Variants in AKT2 observed in about 807,000 individuals in gnomAD.
AKT2 encodes RAC-beta serine/threonine-protein kinase.
In AKT2, 16 loss-of-function variants were observed where a neutral mutation model predicts 58.6. That is an observed-to-expected ratio of 0.27 (90% CI 0.18 to 0.41). AKT2 has a LOEUF of 0.41. AKT2 is among the 10% of genes least tolerant of loss of function. The pLI is 1.00. For missense variants in AKT2, 438 were observed against 661.0 expected, an observed-to-expected ratio of 0.66 and a Z score of 3.70; for synonymous variants, 253 against 254.0, an observed-to-expected ratio of 1.00 and a Z score of 0.04.
chr19:40,242,885 A>G lies in AKT2; in HGVS notation c.288-198T>C. On this transcript the variant is annotated intron_variant, in intron 4 of 13. Transcript: ENST00000392038. This position sits in a 1 kb window ranked among gnomAD's most constrained non-coding sequence, Gnocchi z 4.3. ...AATTCCACGCCAGGCGCAGTGGCTC[A>G]TGCCTATAATCCCAGCACTTTGGGA... 1.6e-6 allele frequency: 1 copy of G among 620,406 alleles called. No individual in the cohort carries two copies. The highest frequency in any genetic ancestry group is 2.4e-5 in the Admixed American group (1 of 41,078). The allele number at this position is 620,406 out of a possible 1,614,324, so 38.4% of individuals were successfully genotyped here. A position where few individuals can be genotyped will look rare whatever the true frequency, so the allele number is the denominator to read the frequency against.
Position 40,241,968 on chromosome 19 carries a change from C to T in AKT2, c.543G>A (p.Lys181=), listed in dbSNP as rs2145202657. The T allele has an allele frequency of 6.2e-6, 10 of 1,614,222 alleles. No homozygotes were observed. Among genetic ancestry groups the T allele is most frequent in the Non-Finnish European group, 8.5e-6 (10 of 1,180,054 alleles). ...EKATGRYYAM[K]ILRKEVIIAK... ...CAATGATGACTTCCTTCCGCAGGAT[C>T]TTCATGGCGTAGTAGCGGCCAGTGG... The change falls in exon 6 of 14, where the codon AAG becomes AAA. Residue 181 remains lysine, a synonymous_variant. Transcript: ENST00000392038.
Position 40,234,030 on chromosome 19 carries a change from GC to G in AKT2, c.1367-80del, listed in dbSNP as rs919077964. 3 of 1,452,134 alleles carry G rather than the reference GC, an allele frequency of 2.1e-6. No individual in the cohort carries two copies. In the African/African-American group the frequency reaches 4.2e-5, roughly 20 times the overall value. The allele number at this position is 1,452,134 out of a possible 1,614,324, so 90.0% of individuals were successfully genotyped here. On this transcript the variant is annotated intron_variant, in intron 13 of 13. Coordinates refer to ENST00000392038, the MANE Select transcript of AKT2 (RefSeq NM_001626.6). The surrounding 1 kb of genome is among the most constrained non-coding windows in gnomAD (Gnocchi z 4.7). ...CCTGCCCAGACTCCCTGGGGAAACG[GC>G]CCCAGCTGGCGGGGGCTGCCCACAG...
rs145977456 is a variant in AKT2, at chr19:40,235,940, G to A, written c.1125C>T (p.Pro375=). The A allele has an allele frequency of 1.1e-4, 174 of 1,613,634 alleles. 1 individual carries two copies. Among genetic ancestry groups the A allele is most frequent in the East Asian group, 1.1e-3 (48 of 44,874 alleles). Residue 375 remains proline, a synonymous_variant, in exon 11 of 14, where the codon CCC becomes CCT. Coordinates refer to ENST00000392038, the MANE Select transcript of AKT2 (RefSeq NM_001626.6). The surrounding 1 kb of genome is among the most constrained non-coding windows in gnomAD (Gnocchi z 6.3). The part of the protein sequence containing the change: ...EEIRFPRTLS[P]EAKSLLAGLL... ...GCCCAGCAAGCAGGGACTTGGCCTC[G>A]GGGCTGAGCGTGCGCGGGAAGCGGA... is the stretch of plus-strand genomic sequence containing the variant.
chr19:40,262,668 T>C (rs553616843), intron 2 of AKT2, among the ~76,000 whole-genome samples: 1 of 152,358 alleles, frequency 6.6e-6, no homozygotes, highest in East Asian at 1.9e-4. Flanking sequence ...ACCTCAGCTC[T>C]ACCCACTCCT....
At chr19:40,245,166 A>C (rs1974668198) in intron 4 of AKT2, among the ~76,000 whole-genome samples, 1 of 152,174 alleles carries the variant, frequency 6.6e-6, no homozygotes, top group Non-Finnish European at 1.5e-5. Context: ...CTGTGCAATG[A>C]GACATTCTGC....
intron 2 of AKT2, among the ~76,000 whole-genome samples, chr19:40,264,240 C>T (rs1976178523): frequency 6.6e-6 from 1 of 152,124 alleles, no homozygotes. Flanking sequence ...AGAAGCTGGC[C>T]TGGGACAAAG....
intron 1 of AKT2, chr19:40,283,156 T>G (rs1277091850): frequency 6.6e-6 from 1 of 152,568 alleles, no homozygotes; most frequent in Non-Finnish European, 1.5e-5. Flanking sequence ...CTGGAAATGA[T>G]CTGCCTCTCT....
At position 40,231,839 on chromosome 19, in the gene AKT2, C is replaced by A; in HGVS notation, c.*2033G>T. ...TCCCAGGTGACAGCAACCACGCCAC[C>A]ATGAACACACCACTGGGTCTGTACT... On this transcript the variant is annotated 3_prime_UTR_variant, in exon 14 of 14. Coordinates refer to ENST00000392038, the MANE Select transcript of AKT2 (RefSeq NM_001626.6). 1 of 233,724 alleles carries A rather than the reference C, an allele frequency of 4.3e-6. No individual in the cohort carries two copies. 14.5% of individuals were successfully genotyped at this position (233,724 alleles called of 1,614,324 possible). A position where few individuals can be genotyped will look rare whatever the true frequency, so the allele number is the denominator to read the frequency against.
At position 40,242,253 on chromosome 19, in the gene AKT2, G is replaced by T; in HGVS notation, c.442-184C>A. ...GCGGCCTTCAGACCAGGCTCTGCAG[G>T]CACAGGGCCTTGGGAGGGCTGGGCT... On this transcript the variant is annotated intron_variant, in intron 5 of 13. Transcript: ENST00000392038. This position sits in a 1 kb window ranked among gnomAD's most constrained non-coding sequence, Gnocchi z 4.3. 1.1e-6 allele frequency: 1 copy of T among 948,826 alleles called. No individual in the cohort carries two copies. Among genetic ancestry groups the T allele is most frequent in the Non-Finnish European group, 1.6e-6 (1 of 622,552 alleles). The allele number at this position is 948,826 out of a possible 1,614,324, so 58.8% of individuals were successfully genotyped here. A position where few individuals can be genotyped will look rare whatever the true frequency, so the allele number is the denominator to read the frequency against.
At chr19:40,271,232 CAT>C (rs1011534896) in intron 1 of AKT2, among the ~76,000 whole-genome samples, 11 of 144,746 alleles carry the variant, frequency 7.6e-5, no homozygotes, top group African/African-American at 2.6e-4. Flanking sequence ...TATATACACA[CAT>C]ATATATGTAT....
intron 1 of AKT2, among the ~76,000 whole-genome samples, chr19:40,271,587 G>A (rs187007097): frequency 3.3e-5 from 5 of 152,226 alleles, no homozygotes; most frequent in Admixed American, 2.6e-4. Flanking sequence ...TCTATAAACT[G>A]GTCCCAGCGT....
intron 1 of AKT2, chr19:40,282,788 G>A: frequency 3.2e-6 from 1 of 316,930 alleles, no homozygotes; most frequent in Admixed American, 4.5e-5. Context: ...TGCAAAAAAG[G>A]ACACAAATAC....
chr19:40,279,424 AC>A (rs1568576171), intron 1 of AKT2: 1 of 152,004 alleles, frequency 6.6e-6, no homozygotes, highest in Non-Finnish European at 1.5e-5. Flanking sequence ...CCATGGAACC[AC>A]CCCACCGTGC....
chr19:40,248,795 G>C (rs1012139075), intron 4 of AKT2, among the ~76,000 whole-genome samples: 22 of 143,956 alleles, frequency 1.5e-4, no homozygotes, highest in Non-Finnish European at 9.1e-5. Context: ...GGGAGGAGTG[G>C]AGGAGATGAG....
intron 3 of AKT2, among the ~76,000 whole-genome samples, chr19:40,256,266 G>A (rs1397090979): frequency 1.3e-5 from 2 of 152,184 alleles, no homozygotes; most frequent in Non-Finnish European, 2.9e-5. Flanking sequence ...TCCACAGCAT[G>A]GCAGGAGAGG....
At chr19:40,270,391 T>C (rs753907240) in intron 1 of AKT2, 6 of 148,778 alleles carry the variant, frequency 4.0e-5, no homozygotes, top group African/African-American at 1.0e-4. Flanking sequence ...ATCTGTGGAA[T>C]GAACATGTAC....
intron 6 of AKT2, chr19:40,241,154 G>T (rs1274345072): frequency 6.6e-6 from 1 of 152,558 alleles, no homozygotes; most frequent in African/African-American, 2.4e-5. Flanking sequence ...GAAGCCAGGG[G>T]TGCTGCTGAA....
chr19:40,249,578 G>A (rs896785984), intron 4 of AKT2, among the ~76,000 whole-genome samples: 1 of 152,218 alleles, frequency 6.6e-6, no homozygotes, highest in Non-Finnish European at 1.5e-5. Flanking sequence ...CTTCAGGAGT[G>A]ACAGCTGACT....
intron 2 of AKT2, 106 bp downstream of exon 2, chr19:40,265,116 G>T: frequency 6.6e-7 from 1 of 1,511,718 alleles, no homozygotes. Context: ...GCGGAATGCT[G>T]GCTCCTCAGG....
Sources: gnomAD v4.1 joint callset for allele counts (sites outside exome capture counted in the v4.1 genomes callset) on GRCh38, gnomAD v4.1.1 for gene constraint, Gnocchi (gnomAD v3.1) non-coding constraint, MANE v1.5 for transcripts, NCBI Gene and HGNC (gene_info 2026-07-23, HGNC 2026-07-21) for gene names.